ZCCHC2: variants seen among roughly 807,000 people sequenced by gnomAD.
ZCCHC2 encodes zinc finger CCHC-type containing 2.
ZCCHC2 carries 39 observed loss-of-function variants against 103.6 expected under a neutral mutation model. The ratio of observed to expected loss-of-function variants is 0.38; its 90% CI spans 0.29 to 0.49. The LOEUF is 0.49. Among genes scored for constraint, ZCCHC2 ranks in the 20% least tolerant of loss-of-function variants. The pLI is 0.96. For missense variants in ZCCHC2, 1,483 were observed against 1,491.0 expected (o/e 0.99, Z 0.09); for synonymous variants, 687 against 608.9 (o/e 1.13, Z -1.89).
chr18:62,536,913 A>C (rs1232809678), intron 1 of ZCCHC2, among the ~76,000 whole-genome samples: 5 of 152,210 alleles, frequency 3.3e-5, no homozygotes, highest in African/African-American at 1.2e-4. Flanking sequence ...TTGTGAAGCA[A>C]ACTACTTTCA....
At position 62,523,766 on chromosome 18, in the gene ZCCHC2, C is replaced by T; in HGVS notation, c.342C>T (p.Phe114=). ...LVLGSAQRLE[F]MCGLLDLCNP... Reference sequence around the variant, plus strand: ...TGGGCTCGGCGCAGCGCCTGGAGTTCATGTGCGGGCTGCTGGACCTGTGCA... The same window carrying T: ...TGGGCTCGGCGCAGCGCCTGGAGTTTATGTGCGGGCTGCTGGACCTGTGCA... The change falls in exon 1 of 14, where the codon TTC becomes TTT. Residue 114 remains phenylalanine, a synonymous_variant. Coordinates refer to ENST00000269499, the MANE Select transcript of ZCCHC2 (RefSeq NM_017742.6). 6.5e-7 allele frequency: 1 copy of T among 1,534,734 alleles called. No homozygotes were observed. The highest frequency in any genetic ancestry group is 8.7e-7 in the Non-Finnish European group (1 of 1,145,296).
At position 62,576,840 on chromosome 18, in the gene ZCCHC2, C is replaced by T. The variant is rs1283036145; in HGVS notation, c.*261C>T. ...CTTCAGACAAACTTAAATGTTGGTG[C>T]GTGCTTTTTTTTTTTTTTTTACACT... On this transcript the variant is annotated 3_prime_UTR_variant, in exon 14 of 14. Transcript: ENST00000269499. 19 of 211,458 alleles carry T rather than the reference C, an allele frequency of 9.0e-5. No individual in the cohort carries two copies. Among genetic ancestry groups the T allele is most frequent in the Non-Finnish European group, 1.4e-4 (17 of 122,724 alleles). The allele number at this position is 211,458 out of a possible 1,614,324, so 13.1% of individuals were successfully genotyped here.
chr18:62,584,280 C>T (rs908429550), intron 14 of ZCCHC2, among the ~76,000 whole-genome samples: 1 of 152,088 alleles, frequency 6.6e-6, no homozygotes, highest in Non-Finnish European at 1.5e-5. Flanking sequence ...GTGTGGGGAC[C>T]GGAGACCCTT....
intron 6 of ZCCHC2, among the ~76,000 whole-genome samples, chr18:62,557,139 C>T (rs1915919151): frequency 6.6e-6 from 1 of 152,130 alleles, no homozygotes; most frequent in Admixed American, 6.5e-5. Context: ...TTCTTATGTT[C>T]CGTATGTTGA....
At position 62,523,299 on chromosome 18, in the gene ZCCHC2, C is replaced by CGGCCCT; in HGVS notation, c.-125_-120dup. 1.1e-6 allele frequency: 1 copy of CGGCCCT among 928,040 alleles called. No individual in the cohort carries two copies. Among genetic ancestry groups the CGGCCCT allele is most frequent in the Non-Finnish European group, 1.3e-6 (1 of 778,440 alleles). The allele number at this position is 928,040 out of a possible 1,614,324, so 57.5% of individuals were successfully genotyped here. Reference sequence around the variant, plus strand: ...GCCGGCCGAGACCCGCCCCCGGCCCCGGCCCTCCCCCGGCGGCATGGAGGG... The same window carrying CGGCCCT: ...GCCGGCCGAGACCCGCCCCCGGCCCCGGCCCTGGCCCTCCCCCGGCGGCATGGAGGG... On this transcript the variant is annotated 5_prime_UTR_variant, in exon 1 of 14. Coordinates refer to ENST00000269499, the MANE Select transcript of ZCCHC2 (RefSeq NM_017742.6).
intron 5 of ZCCHC2, among the ~76,000 whole-genome samples, chr18:62,554,473 C>G (rs1384596407): frequency 6.6e-6 from 1 of 152,112 alleles, no homozygotes; most frequent in East Asian, 1.9e-4. Context: ...TTTATGGCCA[C>G]TTTGATTTTT....
chr18:62,566,573 C>T (rs1319608047), intron 11 of ZCCHC2, among the ~76,000 whole-genome samples: 2 of 152,192 alleles, frequency 1.3e-5, no homozygotes, highest in Non-Finnish European at 1.5e-5. Flanking sequence ...AATGAAATTC[C>T]TGCCCTCCAC....
chr18:62,585,305 G>A (rs1046600769), exon 15 of ZCCHC2: 3 of 152,236 alleles, frequency 2.0e-5, no homozygotes, highest in African/African-American at 7.2e-5. Context: ...TGAAGCAGTG[G>A]GGCAAGGAGA....
intron 5 of ZCCHC2, among the ~76,000 whole-genome samples, chr18:62,552,835 A>G (rs1045259529): frequency 6.6e-5 from 10 of 150,768 alleles, no homozygotes; most frequent in African/African-American, 9.8e-5. Context: ...GGCCGCAGTG[A>G]GCTATGATTG....
Position 62,564,615 on chromosome 18 carries a change from A to G in ZCCHC2, c.1731A>G (p.Lys577=). The stretch of plus-strand genomic sequence containing the variant: ...GTTTATCTTCAATAAATAAGAAGAA[A>G]GGAAAGCCACAAACAGAAAAGTAGG... ...KRSLSSINKK[K]GKPQTEKEKI... is the part of the protein sequence containing the mutation. The change falls in exon 10 of 14, where the codon AAA becomes AAG. Residue 577 remains lysine (K), a synonymous_variant. Coordinates refer to ENST00000269499, the MANE Select transcript of ZCCHC2 (RefSeq NM_017742.6). 1 of 1,545,846 alleles carries G rather than the reference A, an allele frequency of 6.5e-7. No homozygotes were observed. Among genetic ancestry groups the G allele is most frequent in the Non-Finnish European group, 8.7e-7 (1 of 1,144,086 alleles).
chr18:62,559,286 T>C (rs144778871), intron 7 of ZCCHC2, among the ~76,000 whole-genome samples: 1 of 152,302 alleles, frequency 6.6e-6, no homozygotes, highest in Admixed American at 6.5e-5. Context: ...ATCCAGACTA[T>C]GGAAGGATCT....
chr18:62,550,495 A>G, intron 5 of ZCCHC2, 35 bp downstream of exon 5: 2 of 1,539,066 alleles, frequency 1.3e-6, no homozygotes, highest in South Asian at 1.2e-5. Context: ...ATAGCAGCAT[A>G]CACACAGGAC....
At position 62,564,446 on chromosome 18, in the gene ZCCHC2, G is replaced by T; in HGVS notation, c.1687-125G>T. 5 of 644,138 alleles carry T rather than the reference G, an allele frequency of 7.8e-6. No homozygotes were observed. In the South Asian group the frequency reaches 1.6e-4, roughly 21 times the overall value. The allele number at this position is 644,138 out of a possible 1,614,324, so 39.9% of individuals were successfully genotyped here. ...GTTCAGGTGGGAAACTTCAAAAATA[G>T]GTTGGAAATCAACACTTGTTAGAAT... On this transcript the variant is annotated intron_variant, in intron 9 of 13. Coordinates refer to ENST00000269499, the MANE Select transcript of ZCCHC2 (RefSeq NM_017742.6).
chr18:62,565,365 GTTC>G (rs369647181), intron 11 of ZCCHC2, among the ~76,000 whole-genome samples: 1,557 of 152,258 alleles, frequency 0.01, 29 homozygotes, highest in African/African-American at 0.035. Context: ...CTCCCAGGTT[GTTC>G]TTCTCCAGCC....
At chr18:62,543,063 GTCT>G (rs1167630822) in intron 3 of ZCCHC2, among the ~76,000 whole-genome samples, 3 of 152,114 alleles carry the variant, frequency 2.0e-5, no homozygotes, top group African/African-American at 4.8e-5. Context: ...GACTTTGCAT[GTCT>G]TCTTCTTGCC....
intron 1 of ZCCHC2, among the ~76,000 whole-genome samples, chr18:62,525,661 G>A (rs907467839): frequency 6.6e-6 from 1 of 152,018 alleles, no homozygotes; most frequent in East Asian, 1.9e-4. Context: ...TTTTTAAAAC[G>A]ACGCTTCTGT....
At chr18:62,569,655 A>G (rs1033604100) in intron 11 of ZCCHC2, among the ~76,000 whole-genome samples, 3 of 151,944 alleles carry the variant, frequency 2.0e-5, no homozygotes, top group Non-Finnish European at 4.4e-5. Flanking sequence ...GGCAGAACTC[A>G]GGGGACTATT....
chr18:62,543,596 T>C (rs1210072741), intron 3 of ZCCHC2, among the ~76,000 whole-genome samples: 1 of 152,160 alleles, frequency 6.6e-6, no homozygotes, highest in Non-Finnish European at 1.5e-5. Flanking sequence ...GGCTTCACTG[T>C]CCTCTTGCCT....
intron 1 of ZCCHC2, among the ~76,000 whole-genome samples, chr18:62,537,564 C>A (rs1440858666): frequency 6.6e-6 from 1 of 152,164 alleles, no homozygotes; most frequent in Non-Finnish European, 1.5e-5. Context: ...GCTTATTTCA[C>A]CTAGCATACT....
Sources: gnomAD v4.1 joint callset for allele counts (sites outside exome capture counted in the v4.1 genomes callset) on GRCh38, gnomAD v4.1.1 for gene constraint, MANE v1.5 for transcripts, NCBI Gene and HGNC (gene_info 2026-07-23, HGNC 2026-07-21) for gene names.